The following LOXHD1 variants were observed in gnomAD, a reference collection of about 807,000 sequenced individuals.
LOXHD1 encodes the protein lipoxygenase homology PLAT domains 1, also known as lipoxygenase homology domain-containing protein 1.
A neutral mutation model predicts 248.2 loss-of-function variants in LOXHD1; 205 were observed. That is an observed-to-expected ratio of 0.83 (90% CI 0.74 to 0.93). LOXHD1 has a LOEUF of 0.93. Ranked by LOEUF, LOXHD1 falls within the 40% of genes least tolerant of loss-of-function variation. The pLI is 0.00. For missense variants in LOXHD1, 2,930 were observed against 2,971.6 expected (o/e 0.99, Z 0.33); for synonymous variants, 1,113 against 1,162.8 (o/e 0.96, Z 0.87).
chr18:46,610,991 G>A, intron 5 of LOXHD1, 67 bp from the exon 6 acceptor site: 1 of 1,525,388 alleles, frequency 6.6e-7, no homozygotes, highest in South Asian at 1.2e-5. Context: ...AAGCCTTCAT[G>A]GTCCGCCCAC....
At chr18:46,552,898 A>G (rs2037165511) in intron 21 of LOXHD1, among the ~76,000 whole-genome samples, 1 of 151,974 alleles carries the variant, frequency 6.6e-6, no homozygotes, top group Admixed American at 6.6e-5. Context: ...GTGCCCCTCA[A>G]TTGCCCAATT....
chr18:46,498,954 A>T lies in LOXHD1; in HGVS notation c.5878+6884T>A, dbSNP rs141221761. On this transcript the variant is annotated intron_variant, in intron 37 of 40. Transcript: ENST00000642948. The stretch of plus-strand genomic sequence containing the variant: ...CCTCAGTCACCTACAGGGGAGAAAG[A>T]TATATCTGTGGAAGTCTAGAAAAGG... Among the ~76,000 whole-genome samples, 722 of 152,302 alleles carry T rather than the reference A, an allele frequency of 4.7e-3. 3 individuals are homozygous for T. Among genetic ancestry groups the T allele is most frequent in the Non-Finnish European group, 8.4e-3 (571 of 68,022 alleles).
rs876657858 is a variant in LOXHD1 at position 46,566,406 on chromosome 18, G to A, written c.2288C>T (p.Ala763Val). The part of the protein sequence containing the change: ...VIGHDSTGMH[A>V]SWFLGSVQIR... ...CTGAACGCTGCCCAGGAACCAGCTG[G>A]CATGCATGCCAGTGCTGTCATGCCC... Residue 763 changes from alanine (A) to valine (V), a missense_variant, in exon 17 of 41, where the codon GCC becomes GTC. Ala to Val is a moderately conservative substitution (Grantham distance 64). Transcript: ENST00000642948. 6.8e-5 allele frequency: 106 copies of A among 1,551,160 alleles called. No homozygotes were observed. Among genetic ancestry groups the A allele is most frequent in the Non-Finnish European group, 8.9e-5 (102 of 1,147,010 alleles).
intron 23 of LOXHD1, chr18:46,544,660 G>A: frequency 1.1e-5 from 4 of 355,702 alleles, no homozygotes; most frequent in South Asian, 9.4e-5. Context: ...GCACAGAGGG[G>A]TTAAGCAACT....
intron 17 of LOXHD1, among the ~76,000 whole-genome samples, chr18:46,564,447 G>A (rs1412184530): frequency 3.9e-5 from 6 of 152,128 alleles, no homozygotes; most frequent in Admixed American, 6.5e-5. Context: ...CAGGGGGATC[G>A]CTCGAGCCTG....
intron 4 of LOXHD1, among the ~76,000 whole-genome samples, chr18:46,627,940 A>C (rs1322571463): frequency 1.3e-5 from 2 of 152,306 alleles, no homozygotes; most frequent in Admixed American, 6.5e-5. Context: ...CTAGACTCTA[A>C]GCTCCTAGAG....
chr18:46,500,781 G>T (rs2034176115), intron 37 of LOXHD1, among the ~76,000 whole-genome samples: 2 of 152,106 alleles, frequency 1.3e-5, no homozygotes, highest in East Asian at 1.9e-4. Context: ...AACATATCAA[G>T]ATTTTTTCCT....
rs1385148777 is a variant in LOXHD1 at position 46,594,507 on chromosome 18, C to T, written c.1135-41G>A. Reference sequence around the variant, plus strand: ...CACAGTGTCTCCGGCATTGAGTCTCCAGTAGGGTCCTCTTCGTGATGTTCA... The same window carrying T: ...CACAGTGTCTCCGGCATTGAGTCTCTAGTAGGGTCCTCTTCGTGATGTTCA... On this transcript the variant is annotated intron_variant, in intron 8 of 40. Transcript: ENST00000642948. 4 of 1,549,778 alleles carry T rather than the reference C, an allele frequency of 2.6e-6. No homozygotes were observed. In the South Asian group the frequency reaches 4.8e-5, roughly 18 times the overall value.
intron 26 of LOXHD1, among the ~76,000 whole-genome samples, chr18:46,535,727 C>T (rs1016709808): frequency 5.9e-5 from 9 of 152,136 alleles, no homozygotes; most frequent in East Asian, 3.9e-4. Context: ...CCTGCCACCA[C>T]GCCCAGCTAA....
At chr18:46,638,147 C>T (rs1176907173) in intron 4 of LOXHD1, among the ~76,000 whole-genome samples, 2 of 151,970 alleles carry the variant, frequency 1.3e-5, no homozygotes, top group Admixed American at 1.3e-4. Context: ...GGTGTTGCAC[C>T]AGCCCATTCA....
chr18:46,512,445 A>C (rs894396638), intron 34 of LOXHD1, among the ~76,000 whole-genome samples: 17 of 152,104 alleles, frequency 1.1e-4, no homozygotes, highest in Admixed American at 8.5e-4. Flanking sequence ...ATCCTCAAAA[A>C]ACCCTTGTCT....
At chr18:46,612,853 C>A (rs149600998) in intron 5 of LOXHD1, among the ~76,000 whole-genome samples, 1 of 152,068 alleles carries the variant, frequency 6.6e-6, no homozygotes, top group Non-Finnish European at 1.5e-5. Context: ...TACCAGTAAT[C>A]GAACATTTCA....
chr18:46,557,423 T>G lies in LOXHD1; in HGVS notation c.3283A>C (p.Asn1095His). The G allele has an allele frequency of 6.4e-7, 1 of 1,552,248 alleles. No individual in the cohort carries two copies. Among genetic ancestry groups the G allele is most frequent in the African/African-American group, 1.4e-5 (1 of 73,150 alleles). ...ALTKIRIRHD[N>H]TGNRAGWFLD... ...AACCAGCCTGCTCTGTTGCCTGTGT[T>G]GTCGTGGCGAATCCGAATCTTGGTC... The change falls in exon 21 of 41, where the codon AAC becomes CAC. Residue 1095 changes from asparagine (N) to histidine (H), a missense_variant. Physicochemically the swap from Asn to His is moderately conservative, Grantham distance 68. Transcript: ENST00000642948.
chr18:46,567,599 C>T (rs1648551215), intron 16 of LOXHD1, among the ~76,000 whole-genome samples: 1 of 152,164 alleles, frequency 6.6e-6, no homozygotes, highest in Non-Finnish European at 1.5e-5. Flanking sequence ...ACTGGATGCT[C>T]CCTAAGGGCA....
chr18:46,517,856 C>A (rs1424497239), intron 34 of LOXHD1, among the ~76,000 whole-genome samples: 3 of 152,162 alleles, frequency 2.0e-5, no homozygotes, highest in African/African-American at 4.8e-5. Flanking sequence ...ATCAACTAAT[C>A]TACCAACCTT....
chr18:46,491,717 C>G (rs139326836), intron 37 of LOXHD1, among the ~76,000 whole-genome samples: 2 of 152,180 alleles, frequency 1.3e-5, no homozygotes, highest in South Asian at 4.1e-4. Context: ...TTACACTTTC[C>G]GGGCTCCAGC....
Position 46,477,613 on chromosome 18 carries a change from G to A in LOXHD1, c.6681C>T (p.Gly2227=). ...TCTCCACCAGCCAGCCTGAGCAGTAGCCACTGCTGTCGTGCTCCAGGCGCA... is the reference window on the plus strand; with the variant it reads ...TCTCCACCAGCCAGCCTGAGCAGTAACCACTGCTGTCGTGCTCCAGGCGCA... ...RKVRLEHDSS[G]YCSGWLVEKV... The change falls in exon 41 of 41, where the codon GGC becomes GGT. Residue 2227 remains glycine, a synonymous_variant. Transcript: ENST00000642948. The A allele has an allele frequency of 6.4e-7, 1 of 1,551,770 alleles. No individual in the cohort carries two copies. The highest frequency in any genetic ancestry group is 8.7e-7 in the Non-Finnish European group (1 of 1,147,022).
intron 4 of LOXHD1, among the ~76,000 whole-genome samples, chr18:46,619,643 A>G (rs1412343999): frequency 6.6e-6 from 1 of 152,214 alleles, no homozygotes; most frequent in Non-Finnish European, 1.5e-5. Context: ...CTCAGGGCAA[A>G]GGACTGAGGT....
At chr18:46,522,341 C>T (rs1421745518) in intron 31 of LOXHD1, 32 bp from the exon 32 acceptor site, 1 of 1,529,948 alleles carries the variant, frequency 6.5e-7, no homozygotes, top group Admixed American at 2.0e-5. Flanking sequence ...AGGTTCATAA[C>T]AGACCAGATA....
Sources: allele counts gnomAD v4.1 joint callset (sites outside exome capture counted in the v4.1 genomes callset), GRCh38; gene constraint gnomAD v4.1.1; transcripts MANE v1.5; gene names NCBI Gene and HGNC (gene_info 2026-07-23, HGNC 2026-07-21).